KIAA1549L: variants seen among roughly 807,000 people sequenced by gnomAD.
KIAA1549L encodes UPF0606 protein KIAA1549L.
Under a neutral mutation model 160.7 loss-of-function variants are expected in KIAA1549L, and 88 were observed. The ratio of observed to expected loss-of-function variants is 0.55; its 90% CI spans 0.46 to 0.65. The LOEUF (loss-of-function observed/expected upper bound fraction) is 0.65, where lower values mean the gene tolerates loss of function less well. KIAA1549L is among the 30% of genes least tolerant of loss of function. KIAA1549L has a pLI of 0.00. For missense variants in KIAA1549L, 2,258 were observed against 2,437.5 expected (o/e 0.93, Z 1.55); for synonymous variants, 950 against 976.7 (o/e 0.97, Z 0.51).
intron 1 of KIAA1549L, among the ~76,000 whole-genome samples, chr11:33,416,897 T>A (rs1417400576): frequency 6.6e-6 from 1 of 152,208 alleles, no homozygotes; most frequent in African/African-American, 2.4e-5. Context: ...ATTCAGAGCC[T>A]TCTATTCAGA....
intron 17 of KIAA1549L, among the ~76,000 whole-genome samples, chr11:33,647,430 A>T (rs1056374829): frequency 6.6e-6 from 1 of 151,898 alleles, no homozygotes; most frequent in African/African-American, 2.4e-5. Context: ...TTAAGTAGCA[A>T]TTACATTTCC....
chr11:33,402,967 G>T (rs1398278515), intron 1 of KIAA1549L, among the ~76,000 whole-genome samples: 2 of 152,064 alleles, frequency 1.3e-5, no homozygotes. Flanking sequence ...TTTGTTTCAC[G>T]CCTATGTCTT....
intron 1 of KIAA1549L, among the ~76,000 whole-genome samples, chr11:33,479,367 A>G (rs1205276280): frequency 1.3e-5 from 2 of 152,222 alleles, no homozygotes; most frequent in African/African-American, 4.8e-5. Context: ...CCAGAATGTG[A>G]AATTTACAAA....
intron 1 of KIAA1549L, among the ~76,000 whole-genome samples, chr11:33,415,854 G>A (rs1590229554): frequency 6.6e-6 from 1 of 151,912 alleles, no homozygotes; most frequent in South Asian, 2.1e-4. Context: ...GCCTAGGTTG[G>A]AGTGCAGTGG....
intron 1 of KIAA1549L, among the ~76,000 whole-genome samples, chr11:33,526,483 G>A (rs902541816): frequency 5.3e-5 from 8 of 152,154 alleles, no homozygotes; most frequent in African/African-American, 1.9e-4. Context: ...ACCTGAAGAC[G>A]GATCACATCA....
In KIAA1549L at chr11:33,405,116, T is replaced by C. The variant is rs551728209; in HGVS notation, c.238+28227T>C. 3.3e-5 allele frequency among the ~76,000 whole-genome samples: 5 copies of C among 152,272 alleles called. No homozygotes were observed. The South Asian group carries it at 8.3e-4, about 25-fold the overall frequency. On this transcript the variant is annotated intron_variant, in intron 1 of 20. Coordinates refer to ENST00000658780, the MANE Select transcript of KIAA1549L (RefSeq NM_012194.3). ...GTTATATTGTTTTTGTTTTGGCTTA[T>C]ATGAAACCATTATTCAACACCTGTC...
Position 33,620,798 on chromosome 11 carries a change from G to A in KIAA1549L, c.5409+2136G>A, listed in dbSNP as rs1378412719. Among the ~76,000 whole-genome samples the A allele has an allele frequency of 3.3e-5, 5 of 152,010 alleles. No individual in the cohort carries two copies. The East Asian group carries it at 9.7e-4, about 29-fold the overall frequency. On this transcript the variant is annotated intron_variant, in intron 16 of 20. Transcript: ENST00000658780. ...AGAAGCTAGATGTCAGGGCTCACAA[G>A]CATTCTTACATGAATAACTCACACA...
At chr11:33,643,691 G>T (rs1456626388) in intron 16 of KIAA1549L, among the ~76,000 whole-genome samples, 1 of 152,174 alleles carries the variant, frequency 6.6e-6, no homozygotes, top group Non-Finnish European at 1.5e-5. Flanking sequence ...GGGAGCAGGA[G>T]GCTCTGCCAT....
intron 1 of KIAA1549L, among the ~76,000 whole-genome samples, chr11:33,535,493 C>T (rs730729): frequency 0.34 from 51,940 of 151,448 alleles, 9,371 homozygotes; most frequent in East Asian, 0.65. Flanking sequence ...GGTGACATGG[C>T]GAAACCCGTC....
chr11:33,623,817 A>G (rs1305741794), intron 16 of KIAA1549L, among the ~76,000 whole-genome samples: 1 of 152,124 alleles, frequency 6.6e-6, no homozygotes. Context: ...TCCCTCCCCT[A>G]TAGGCAACTT....
chr11:33,595,689 G>A (rs1047039905), intron 12 of KIAA1549L, among the ~76,000 whole-genome samples: 7 of 152,210 alleles, frequency 4.6e-5, no homozygotes, highest in Non-Finnish European at 5.9e-5. Context: ...GAGAAAACCC[G>A]TTATGAATCT....
At chr11:33,487,971 G>C (rs1012045544) in intron 1 of KIAA1549L, among the ~76,000 whole-genome samples, 2 of 152,202 alleles carry the variant, frequency 1.3e-5, no homozygotes, top group African/African-American at 4.8e-5. Context: ...CTGGGAGGCA[G>C]GATGATAGGG....
chr11:33,403,535 C>CGCACAG (rs1326771608), intron 1 of KIAA1549L: 5 of 145,548 alleles, frequency 3.4e-5, no homozygotes, highest in African/African-American at 1.1e-4. Flanking sequence ...CAGACACACA[C>CGCACAG]ACGCACAGAC....
At chr11:33,612,323 T>C (rs941678757) in intron 15 of KIAA1549L, among the ~76,000 whole-genome samples, 1 of 152,226 alleles carries the variant, frequency 6.6e-6, no homozygotes, top group African/African-American at 2.4e-5. Flanking sequence ...AGTATAACCC[T>C]CCAGAGGTTC....
At chr11:33,659,010 C>T (rs1011957350) in intron 19 of KIAA1549L, 112 bp downstream of exon 19, 78 of 1,116,490 alleles carry the variant, frequency 7.0e-5, no homozygotes, top group Non-Finnish European at 8.8e-5. Context: ...GGAATCACAG[C>T]CACTGCATTT....
Position 33,478,733 on chromosome 11 carries a change from T to C in KIAA1549L, c.239-63069T>C, listed in dbSNP as rs374422052. ...TTTCTGAGGAGGTGCTATTATTTTT[T>C]TAAATTATTATTATTATGATTTTAG... On this transcript the variant is annotated intron_variant, in intron 1 of 20. Transcript: ENST00000658780. Among the ~76,000 whole-genome samples, 35 of 152,342 alleles carry C rather than the reference T, an allele frequency of 2.3e-4. No individual in the cohort carries two copies. The South Asian group carries it at 6.8e-3, about 30-fold the overall frequency.
chr11:33,420,224 GT>G (rs1353589141), intron 1 of KIAA1549L, among the ~76,000 whole-genome samples: 4 of 104,540 alleles, frequency 3.8e-5, no homozygotes, highest in Admixed American at 1.1e-4. Context: ...GTATCTCAAA[GT>G]TTTTTTTTTG....
At chr11:33,647,099 C>A (rs1851743287) in intron 17 of KIAA1549L, among the ~76,000 whole-genome samples, 1 of 152,082 alleles carries the variant, frequency 6.6e-6, no homozygotes, top group African/African-American at 2.4e-5. Context: ...AAATATTAAT[C>A]ATGGGTTGGA....
At chr11:33,650,916 G>C (rs774215365) in intron 17 of KIAA1549L, among the ~76,000 whole-genome samples, 3 of 152,124 alleles carry the variant, frequency 2.0e-5, no homozygotes, top group Non-Finnish European at 4.4e-5. Context: ...GGCAGACACA[G>C]GTTCCTTGTC....
Sources: gnomAD v4.1 joint callset for allele counts (sites outside exome capture counted in the v4.1 genomes callset) on GRCh38, gnomAD v4.1.1 for gene constraint, MANE v1.5 for transcripts, NCBI Gene and HGNC (gene_info 2026-07-23, HGNC 2026-07-21) for gene names.